Variants in MYO16 observed in about 807,000 individuals in gnomAD.
MYO16 encodes the protein unconventional myosin-XVI.
In MYO16, 94 loss-of-function variants were observed where a neutral mutation model predicts 205.3. That is an observed-to-expected ratio of 0.46 (90% CI 0.39 to 0.54). MYO16 has a LOEUF of 0.54. Ranked by LOEUF, MYO16 falls within the 20% of genes least tolerant of loss-of-function variation. The pLI, the probability that MYO16 is intolerant of heterozygous loss-of-function variation, is 0.00. For missense variants in MYO16, 2,315 were observed against 2,387.5 expected, an observed-to-expected ratio of 0.97 and a Z score of 0.63; for synonymous variants, 988 against 954.0, an observed-to-expected ratio of 1.04 and a Z score of -0.66.
At chr13:109,088,858 G>A (rs1299347283) in intron 27 of MYO16, among the ~76,000 whole-genome samples, 3 of 152,210 alleles carry the variant, frequency 2.0e-5, no homozygotes, top group Non-Finnish European at 4.4e-5. Context: ...GAGGGCCTCA[G>A]GTGGTCCCGC....
At chr13:108,601,353 T>A (rs1041128455) in intron 1 of MYO16, among the ~76,000 whole-genome samples, 1 of 152,094 alleles carries the variant, frequency 6.6e-6, no homozygotes, top group Admixed American at 6.6e-5. Context: ...TTTCAGTAGG[T>A]TCCATCCCAA....
intron 23 of MYO16, among the ~76,000 whole-genome samples, chr13:109,033,347 C>T (rs778859467): frequency 3.3e-5 from 5 of 152,188 alleles, no homozygotes; most frequent in Non-Finnish European, 7.3e-5. Flanking sequence ...CTACAGTGGA[C>T]GATTCTCATC....
the MYO16 span, among the ~76,000 whole-genome samples, chr13:108,588,156 A>G: frequency 1.3e-5 from 2 of 152,160 alleles, no homozygotes; most frequent in Admixed American, 1.3e-4. Flanking sequence ...GAGATCATCC[A>G]ATATATTGAA....
intron 16 of MYO16, among the ~76,000 whole-genome samples, chr13:108,914,619 T>TA (rs1264389861): frequency 6.6e-6 from 1 of 152,216 alleles, no homozygotes; most frequent in Non-Finnish European, 1.5e-5. Flanking sequence ...CTTATGTGAT[T>TA]AGACCTCCAG....
intron 27 of MYO16, among the ~76,000 whole-genome samples, chr13:109,077,580 G>A (rs537911249): frequency 6.6e-6 from 1 of 152,278 alleles, no homozygotes; most frequent in South Asian, 2.1e-4. Context: ...TTATGAGAAA[G>A]GCATTTTAGG....
chr13:108,776,564 C>T (rs1267338947), intron 4 of MYO16, among the ~76,000 whole-genome samples: 3 of 152,254 alleles, frequency 2.0e-5, no homozygotes, highest in South Asian at 2.1e-4. Context: ...TCTGTACATG[C>T]GTGTATCCTT....
chr13:109,078,625 T>C (rs1030861464), intron 27 of MYO16, among the ~76,000 whole-genome samples: 1 of 152,188 alleles, frequency 6.6e-6, no homozygotes, highest in African/African-American at 2.4e-5. Context: ...TTTTAATTTG[T>C]CCAGTGATGT....
intron 1 of MYO16, among the ~76,000 whole-genome samples, chr13:108,623,068 C>T (rs1245490791): frequency 6.6e-6 from 1 of 152,116 alleles, no homozygotes; most frequent in African/African-American, 2.4e-5. Flanking sequence ...GCCCATGGGC[C>T]TGGGAGGTAA....
intron 2 of MYO16, among the ~76,000 whole-genome samples, chr13:108,667,313 C>CTGTTT (rs1446300979): frequency 5.1e-4 from 62 of 120,902 alleles, no homozygotes; most frequent in African/African-American, 2.0e-3. Flanking sequence ...CTGAGAATTT[C>CTGTTT]TGTTTTGTTT....
chr13:108,782,970 C>T (rs1359263059), intron 4 of MYO16, among the ~76,000 whole-genome samples: 1 of 152,198 alleles, frequency 6.6e-6, no homozygotes. Context: ...AGAACCTCTA[C>T]AGCAGTGCAA....
At chr13:108,867,948 A>G (rs1444107085) in intron 12 of MYO16, among the ~76,000 whole-genome samples, 1 of 152,130 alleles carries the variant, frequency 6.6e-6, no homozygotes, top group Non-Finnish European at 1.5e-5. Flanking sequence ...TCCTTTCAAT[A>G]TTAGGGAAGG....
intron 1 of MYO16, among the ~76,000 whole-genome samples, chr13:108,663,826 C>G (rs1319252864): frequency 6.6e-6 from 1 of 152,168 alleles, no homozygotes; most frequent in Non-Finnish European, 1.5e-5. Flanking sequence ...TGTTTTAATT[C>G]TTTAGGCTTT....
rs140721727 is a variant in MYO16 at position 109,206,627 on chromosome 13, C to A, written c.5434C>A (p.Leu1812Ile). Residue 1812 changes from leucine (L) to isoleucine (I), a missense_variant, in exon 35 of 35, where the codon CTC becomes ATC. Coordinates refer to ENST00000457511, the MANE Select transcript of MYO16 (RefSeq NM_001198950.3). ...HTTQVIHQLR[L>I]SENESVALQE... ...CCCACAGGTAATCCATCAGCTGAGG[C>A]TCTCAGAGAATGAAAGTGTGGCCCT... 1,331 of 1,613,402 alleles carry A rather than the reference C, an allele frequency of 8.2e-4. 10 individuals carry two copies. In the African/African-American group the frequency reaches 0.016, roughly 19 times the overall value.
At chr13:109,110,353 TAGTG>T (rs1566510748) in intron 28 of MYO16, among the ~76,000 whole-genome samples, 1 of 152,232 alleles carries the variant, frequency 6.6e-6, no homozygotes, top group Non-Finnish European at 1.5e-5. Context: ...TAGAATTACA[TAGTG>T]AGTCATTCAC....
chr13:108,896,044 G>C (rs1233573417), intron 14 of MYO16, among the ~76,000 whole-genome samples: 1 of 152,028 alleles, frequency 6.6e-6, no homozygotes, highest in Admixed American at 6.5e-5. Flanking sequence ...TGGGGTGTGG[G>C]GGTAGCTCCT....
intron 11 of MYO16, among the ~76,000 whole-genome samples, chr13:108,862,792 A>T (rs55752711): frequency 0.092 from 14,032 of 152,204 alleles, 808 homozygotes; most frequent in Non-Finnish European, 0.12. Context: ...AGTGGAAATA[A>T]TTGAGAGTTT....
chr13:108,943,449 CT>C (rs780617473), intron 16 of MYO16, among the ~76,000 whole-genome samples: 2 of 152,008 alleles, frequency 1.3e-5, no homozygotes, highest in East Asian at 3.9e-4. Context: ...CTTGTTTCCT[CT>C]TTTTTTTATT....
intron 27 of MYO16, among the ~76,000 whole-genome samples, chr13:109,067,829 C>T (rs1212663950): frequency 1.3e-5 from 2 of 152,114 alleles, no homozygotes; most frequent in African/African-American, 4.8e-5. Flanking sequence ...CAGTCACAAC[C>T]TTTGGAAAAT....
At chr13:108,848,494 C>G (rs563919697) in intron 10 of MYO16, among the ~76,000 whole-genome samples, 1 of 152,234 alleles carries the variant, frequency 6.6e-6, no homozygotes, top group South Asian at 2.1e-4. Context: ...TTCAAGCTGA[C>G]CAAACTTAAA....
Sources: gnomAD v4.1 joint callset for allele counts (sites outside exome capture counted in the v4.1 genomes callset) on GRCh38, gnomAD v4.1.1 for gene constraint, MANE v1.5 for transcripts, NCBI Gene and HGNC (gene_info 2026-07-23, HGNC 2026-07-21) for gene names.